Variants in MRPL16 observed in about 807,000 individuals in gnomAD.
MRPL16 encodes mitochondrial ribosomal protein L16, also known as large ribosomal subunit protein uL16m.
Under a neutral mutation model 22.7 loss-of-function variants are expected in MRPL16, and 17 were observed. The ratio of observed to expected loss-of-function variants is 0.75; its 90% confidence interval spans 0.51 to 1.12. The LOEUF is 1.12. Ranked by LOEUF, MRPL16 falls within the 50% of genes most tolerant of loss-of-function variation. The pLI, the probability that MRPL16 is intolerant of heterozygous loss-of-function variation, is 0.00. For synonymous variants in MRPL16, 103 were observed against 112.8 expected, an observed-to-expected ratio of 0.91 and a Z score of 0.55; for missense variants, 316 against 328.7, an observed-to-expected ratio of 0.96 and a Z score of 0.30.
At chr11:59,809,814 CA>C (rs778122071) in intron 2 of MRPL16, 40 bp downstream of exon 2, 2 of 1,564,252 alleles carry the variant, frequency 1.3e-6, no homozygotes, top group East Asian at 4.5e-5. Context: ...TGGTTTCCAT[CA>C]GAGAAAAGAT....
At position 59,810,615 on chromosome 11, in the gene MRPL16, A is replaced by AC. The variant is rs1565202421; in HGVS notation, c.43dup (p.Val15GlyfsTer26). 2 of 1,614,034 alleles carry AC rather than the reference A, an allele frequency of 1.2e-6. No individual in the cohort carries two copies. Among genetic ancestry groups the AC allele is most frequent in the Non-Finnish European group, 1.7e-6 (2 of 1,179,992 alleles). ...AAGGGACTTCTGACCTGACAAGGGC[A>AC]CCCGCAGGAGCGGCGCACTAGCGCG... On this transcript the variant is annotated frameshift_variant, in exon 1 of 4. Transcript: ENST00000300151. LOFTEE classifies it high-confidence loss of function.
At chr11:59,807,481 T>G (rs1322362291) in intron 3 of MRPL16, 4 of 374,514 alleles carry the variant, frequency 1.1e-5, no homozygotes, top group Non-Finnish European at 1.4e-5. Context: ...CCCTTCCTTC[T>G]GCTTTTACGT....
intron 1 of MRPL16, chr11:59,810,379 G>T: frequency 7.2e-7 from 1 of 1,394,170 alleles, no homozygotes; most frequent in Non-Finnish European, 9.3e-7. Flanking sequence ...AAAGGCTCAG[G>T]CTCCGCAAAA....
In MRPL16 at chr11:59,806,607, G is replaced by C. The variant is rs746870214; in HGVS notation, c.496C>G (p.Arg166Gly). The part of the protein sequence containing the change: ...AGRLVVEMGG[R>G]CEFEEVQGFL... ...CCTTGCACTTCTTCAAATTCACAAC[G>C]CCCACCCATCTCTACAACAAGGCGG... Residue 166 changes from arginine (R) to glycine (G), a missense_variant, in exon 4 of 4, where the codon CGT becomes GGT. Arg to Gly is a moderately radical substitution (Grantham distance 125). Coordinates refer to ENST00000300151, the MANE Select transcript of MRPL16 (RefSeq NM_017840.4). 1.2e-6 allele frequency: 2 copies of C among 1,614,122 alleles called. No individual in the cohort carries two copies. The highest frequency in any genetic ancestry group is 1.7e-6 in the Non-Finnish European group (2 of 1,180,032).
intron 1 of MRPL16, chr11:59,810,303 C>T: frequency 1.6e-6 from 2 of 1,285,110 alleles, no homozygotes. Context: ...GCCACCGCGC[C>T]CGCCCAAAAG....
At chr11:59,810,549 G>C in intron 1 of MRPL16, 55 bp downstream of exon 1, 3 of 1,610,208 alleles carry the variant, frequency 1.9e-6, no homozygotes, top group Non-Finnish European at 2.5e-6. Flanking sequence ...AAAAGCACTG[G>C]AGGGTGGGGG....
intron 2 of MRPL16, chr11:59,808,992 C>T (rs1866143080): frequency 6.6e-6 from 1 of 152,140 alleles, no homozygotes; most frequent in Non-Finnish European, 1.5e-5. Flanking sequence ...TGAGGAAATA[C>T]CAAATTATTA....
At chr11:59,807,660 T>C (rs370184876) in intron 3 of MRPL16, 41 bp downstream of exon 3, 1 of 1,580,730 alleles carries the variant, frequency 6.3e-7, no homozygotes, top group Non-Finnish European at 8.6e-7. Flanking sequence ...TGTTATTCCC[T>C]AGCTTCCATC....
At chr11:59,806,866 G>A (rs1295535210) in intron 3 of MRPL16, 34 bp from the exon 4 acceptor site, 8 of 1,586,916 alleles carry the variant, frequency 5.0e-6, no homozygotes, top group Middle Eastern at 3.4e-4. Context: ...AAACACATGC[G>A]GACTTCGACA....
chr11:59,810,570 G>GAAC (rs781178361), intron 1 of MRPL16, 34 bp downstream of exon 1: 1 of 1,613,714 alleles, frequency 6.2e-7, no homozygotes, highest in Admixed American at 1.7e-5. Context: ...AGGAAGAGGG[G>GAAC]TAAAGTCTTT....
In MRPL16 at chr11:59,807,758, G is replaced by A; in HGVS notation, c.213C>T (p.Asp71=). Residue 71 remains aspartate (D), a synonymous_variant, in exon 3 of 4, where the codon GAC becomes GAT. Coordinates refer to ENST00000300151, the MANE Select transcript of MRPL16 (RefSeq NM_017840.4). Reference sequence around the variant, plus strand: ...TAGCTTCAGTGGAAGGTCCCCGTATGTCACTTAAATTTTTAGGTTCTCTTC... The same window carrying A: ...TAGCTTCAGTGGAAGGTCCCCGTATATCACTTAAATTTTTAGGTTCTCTTC... ...KVRREPKNLS[D]IRGPSTEATE... 2 of 1,613,786 alleles carry A rather than the reference G, an allele frequency of 1.2e-6. No homozygotes were observed. Among genetic ancestry groups the A allele is most frequent in the Non-Finnish European group, 1.7e-6 (2 of 1,179,882 alleles).
Position 59,807,843 on chromosome 11 carries a change from G to A in MRPL16, c.128C>T (p.Ser43Phe), listed in dbSNP as rs34696253. Residue 43 changes from serine to phenylalanine, a missense_variant, in exon 3 of 4, where the codon TCC (serine) becomes TTC (phenylalanine). Transcript: ENST00000300151. ...LLPVPSFEDV[S>F]IPEKPKLRFI... ...TCTAAGCTTGGGTTTTTCAGGAATG[G>A]AAACATCTAAAAGAAGCACAGACAA... 3.3e-4 allele frequency: 527 copies of A among 1,606,454 alleles called. 1 individual carries two copies. The highest frequency in any genetic ancestry group is 2.8e-3 in the Middle Eastern group (17 of 6,040).
chr11:59,806,976 A>C (rs1156507692), intron 3 of MRPL16, 144 bp from the exon 4 acceptor site: 1 of 1,231,342 alleles, frequency 8.1e-7, no homozygotes, highest in Non-Finnish European at 1.1e-6. Context: ...ATGGAGGAAA[A>C]GCCTAGGGTA....
Position 59,806,152 on chromosome 11 carries a change from G to A in MRPL16, c.*195C>T. ...ATGAGAAGTTATATCCTGAAGTGAT[G>A]TTTAAATTTTATTTAATAAAAATAC... On this transcript the variant is annotated 3_prime_UTR_variant, in exon 4 of 4. Transcript: ENST00000300151. 1.7e-6 allele frequency: 1 copy of A among 596,942 alleles called. No homozygotes were observed. The highest frequency in any genetic ancestry group is 2.8e-6 in the Non-Finnish European group (1 of 358,918). The allele number at this position is 596,942 out of a possible 1,614,324, so 37.0% of individuals were successfully genotyped here.
Position 59,809,935 on chromosome 11 carries a change from C to G in MRPL16, c.56-15G>C, listed in dbSNP as rs762175657. ...TGCCCAGGAATCTACAAAGACAAAT[C>G]AAGTTAAACGACGAAGGTAACAGGC... On this transcript the variant is annotated splice_polypyrimidine_tract_variant and intron_variant, in intron 1 of 3. Transcript: ENST00000300151. 60 of 1,608,842 alleles carry G rather than the reference C, an allele frequency of 3.7e-5. No individual in the cohort carries two copies. The Middle Eastern group carries it at 5.4e-4, about 14-fold the overall frequency.
intron 3 of MRPL16, 33 bp downstream of exon 3, chr11:59,807,668 A>G: frequency 6.3e-7 from 1 of 1,590,272 alleles, no homozygotes; most frequent in East Asian, 2.2e-5. Flanking sequence ...CCTAGCTTCC[A>G]TCCCATTGCT....
At position 59,810,766 on chromosome 11, in the gene MRPL16, C is replaced by G; in HGVS notation, c.-108G>C. ...CCTAGCTGTAATCGGCTCAGGACAC[C>G]GCTCAGTGGGGCCGGAAGTTGTGTT... On this transcript the variant is annotated 5_prime_UTR_variant, in exon 1 of 4. Coordinates refer to ENST00000300151, the MANE Select transcript of MRPL16 (RefSeq NM_017840.4). The G allele has an allele frequency of 8.0e-7, 1 of 1,242,996 alleles. No individual in the cohort carries two copies. Among genetic ancestry groups the G allele is most frequent in the South Asian group, 1.3e-5 (1 of 77,566 alleles). 77.0% of individuals were successfully genotyped at this position (1,242,996 alleles called of 1,614,324 possible). A position where few individuals can be genotyped will look rare whatever the true frequency, so the allele number is the denominator to read the frequency against.
In MRPL16 at chr11:59,809,907, G is replaced by A. The variant is rs1286590867; in HGVS notation, c.69C>T (p.Leu23=). The change falls in exon 2 of 4, where the codon CTC becomes CTT. Residue 23 remains leucine, a synonymous_variant. Transcript: ENST00000300151. The part of the protein sequence containing the change: ...LRVPLSDSWA[L]LPASAGVKTL... The stretch of plus-strand genomic sequence containing the variant: ...TCTTTACGCCAGCACTGGCGGGGAG[G>A]AGTGCCCAGGAATCTACAAAGACAA... 1 of 1,613,132 alleles carries A rather than the reference G, an allele frequency of 6.2e-7. No homozygotes were observed. Among genetic ancestry groups the A allele is most frequent in the African/African-American group, 1.3e-5 (1 of 74,894 alleles).
At chr11:59,810,483 G>C (rs1325260554) in intron 1 of MRPL16, 121 bp downstream of exon 1, 6 of 1,530,248 alleles carry the variant, frequency 3.9e-6, no homozygotes, top group Non-Finnish European at 5.3e-6. Context: ...CGATAGCGTA[G>C]TTCCTAACCA....
Sources: gnomAD v4.1 joint callset for allele counts on GRCh38, gnomAD v4.1.1 for gene constraint, MANE v1.5 for transcripts, NCBI Gene and HGNC (gene_info 2026-07-23, HGNC 2026-07-21) for gene names.